Variants in GRID2 observed in about 807,000 individuals in gnomAD.
GRID2 encodes glutamate ionotropic receptor delta type subunit 2, also known as glutamate receptor ionotropic, delta-2.
In GRID2, 33 loss-of-function variants were observed where a neutral mutation model predicts 114.8. That is an observed-to-expected ratio of 0.29 (90% CI 0.22 to 0.38). GRID2 has a LOEUF of 0.38. Among genes scored for constraint, GRID2 ranks in the 10% least tolerant of loss-of-function variants. The pLI is 1.00. For missense variants in GRID2, 1,184 were observed against 1,257.7 expected, an observed-to-expected ratio of 0.94 and a Z score of 0.89; for synonymous variants, 505 against 449.9, an observed-to-expected ratio of 1.12 and a Z score of -1.55.
chr4:93,262,949 A>G (rs901941711), intron 8 of GRID2, among the ~76,000 whole-genome samples: 1 of 152,012 alleles, frequency 6.6e-6, no homozygotes, highest in South Asian at 2.1e-4. Context: ...GAAAGTGCCT[A>G]TTTACAAAAA....
intron 2 of GRID2, among the ~76,000 whole-genome samples, chr4:92,710,865 A>C (rs943068718): frequency 8.5e-5 from 13 of 152,210 alleles, no homozygotes; most frequent in African/African-American, 2.4e-4. Flanking sequence ...TATTACTATT[A>C]ATAATAAATT....
chr4:92,666,650 G>GATTTTTTT (rs1732792354), intron 2 of GRID2, among the ~76,000 whole-genome samples: 1 of 68,594 alleles, frequency 1.5e-5, no homozygotes, highest in African/African-American at 5.2e-5. Flanking sequence ...CTTAAGGGTT[G>GATTTTTTT]TTTTTTTTTT....
chr4:92,521,386 T>A lies in GRID2; in HGVS notation c.89-68745T>A, dbSNP rs370307496. The stretch of plus-strand genomic sequence containing the variant: ...TATAAAAGAAAGTCATATTTCAGAT[T>A]TGCTACATTTTAATAGTATCGACAA... On this transcript the variant is annotated intron_variant, in intron 1 of 15. Coordinates refer to ENST00000282020, the MANE Select transcript of GRID2 (RefSeq NM_001510.4). Among the ~76,000 whole-genome samples, 135 of 152,050 alleles carry A rather than the reference T, an allele frequency of 8.9e-4. 4 individuals are homozygous for A. In the South Asian group the frequency reaches 0.023, roughly 26 times the overall value.
chr4:92,355,891 C>T (rs528589680), intron 1 of GRID2, among the ~76,000 whole-genome samples: 1 of 151,748 alleles, frequency 6.6e-6, no homozygotes, highest in South Asian at 2.1e-4. Flanking sequence ...TATAGCCATG[C>T]CAGACAGTAA....
chr4:93,011,549 G>A (rs1326805432), intron 2 of GRID2, among the ~76,000 whole-genome samples: 2 of 152,046 alleles, frequency 1.3e-5, no homozygotes, highest in African/African-American at 2.4e-5. Flanking sequence ...AATCTCATTA[G>A]CATATGAAAA....
chr4:92,571,740 C>A (rs1346193058), intron 1 of GRID2, among the ~76,000 whole-genome samples: 2 of 151,978 alleles, frequency 1.3e-5, no homozygotes, highest in East Asian at 3.9e-4. Flanking sequence ...CACTCAAAAC[C>A]ACTCAACTAC....
At chr4:93,056,019 C>T (rs1204055713) in intron 2 of GRID2, among the ~76,000 whole-genome samples, 1 of 151,752 alleles carries the variant, frequency 6.6e-6, no homozygotes, top group Non-Finnish European at 1.5e-5. Context: ...CTTAATGATG[C>T]CATCATCTTC....
At chr4:92,477,053 G>A (rs991055802) in intron 1 of GRID2, among the ~76,000 whole-genome samples, 8 of 75,504 alleles carry the variant, frequency 1.1e-4, no homozygotes, top group African/African-American at 2.1e-4. Context: ...GTGTGTGTGT[G>A]TGTGTGTGTG....
chr4:93,721,111 A>C (rs1729332501), intron 14 of GRID2, among the ~76,000 whole-genome samples: 1 of 152,226 alleles, frequency 6.6e-6, no homozygotes, highest in Non-Finnish European at 1.5e-5. Context: ...ATTTGTTTTC[A>C]ATGACTGAGG....
chr4:93,468,671 A>T (rs1724517930), intron 11 of GRID2, among the ~76,000 whole-genome samples: 1 of 152,112 alleles, frequency 6.6e-6, no homozygotes. Flanking sequence ...CCATGAGTTC[A>T]GATGAGATTG....
At chr4:93,170,715 C>T (rs1296620945) in intron 4 of GRID2, among the ~76,000 whole-genome samples, 1 of 152,124 alleles carries the variant, frequency 6.6e-6, no homozygotes, top group Non-Finnish European at 1.5e-5. Flanking sequence ...GTAACTGTTT[C>T]CAGCATACAC....
intron 4 of GRID2, among the ~76,000 whole-genome samples, chr4:93,145,339 A>AT (rs1017562880): frequency 1.2e-4 from 18 of 151,916 alleles, no homozygotes; most frequent in African/African-American, 4.1e-4. Context: ...TTCAGTAATT[A>AT]TTTTTTTGAC....
intron 13 of GRID2, among the ~76,000 whole-genome samples, chr4:93,545,674 A>G (rs1417971529): frequency 6.6e-6 from 1 of 152,230 alleles, no homozygotes; most frequent in Non-Finnish European, 1.5e-5. Context: ...TTGGTAGCTT[A>G]AAATCAGCTA....
chr4:92,595,149 T>G (rs1178575719), intron 2 of GRID2, among the ~76,000 whole-genome samples: 1 of 152,008 alleles, frequency 6.6e-6, no homozygotes, highest in African/African-American at 2.4e-5. Flanking sequence ...ATCGTGAATA[T>G]AAGGGCAACA....
intron 2 of GRID2, among the ~76,000 whole-genome samples, chr4:92,670,683 T>A (rs1733015547): frequency 1.3e-5 from 2 of 152,116 alleles, no homozygotes; most frequent in African/African-American, 4.8e-5. Context: ...TATGTAGAGC[T>A]ACAAGGTGGC....
In GRID2 at chr4:92,560,517, C is replaced by G. The variant is rs201667008; in HGVS notation, c.89-29614C>G. On this transcript the variant is annotated intron_variant, in intron 1 of 15. Transcript: ENST00000282020. Reference sequence around the variant, plus strand: ...TACATTGAGGATGAACTGCAAAATACTAAAGTCCCTTATGATAGTGTTTAA... The same window carrying G: ...TACATTGAGGATGAACTGCAAAATAGTAAAGTCCCTTATGATAGTGTTTAA... Among the ~76,000 whole-genome samples the G allele has an allele frequency of 5.3e-5, 8 of 152,248 alleles. No homozygotes were observed. In the East Asian group the frequency reaches 1.5e-3, roughly 29 times the overall value.
At chr4:92,820,253 T>C (rs1741186625) in intron 2 of GRID2, among the ~76,000 whole-genome samples, 1 of 152,154 alleles carries the variant, frequency 6.6e-6, no homozygotes, top group South Asian at 2.1e-4. Context: ...CACATACTTA[T>C]TTGGAATATG....
At chr4:93,463,806 G>A (rs534940133) in intron 11 of GRID2, among the ~76,000 whole-genome samples, 221 of 152,106 alleles carry the variant, frequency 1.5e-3, no homozygotes, top group Non-Finnish European at 2.2e-3. Flanking sequence ...TGGCTAACAT[G>A]GTGAAACCCT....
At chr4:92,963,457 A>G (rs1272968012) in intron 2 of GRID2, among the ~76,000 whole-genome samples, 1 of 152,034 alleles carries the variant, frequency 6.6e-6, no homozygotes, top group African/African-American at 2.4e-5. Context: ...TTCCATCTCA[A>G]GAAACCACTG....
Sources: allele counts gnomAD v4.1 joint callset (sites outside exome capture counted in the v4.1 genomes callset), GRCh38; gene constraint gnomAD v4.1.1; transcripts MANE v1.5; gene names NCBI Gene and HGNC (gene_info 2026-07-23, HGNC 2026-07-21).